Variants in PIK3C3 observed in about 807,000 individuals in gnomAD.
PIK3C3 encodes the protein phosphatidylinositol 3-kinase catalytic subunit type 3.
PIK3C3 carries 95 observed loss-of-function variants against 126.1 expected under a neutral mutation model. The ratio of observed to expected loss-of-function variants is 0.75; its 90% CI spans 0.64 to 0.89. The LOEUF is 0.89. Among genes scored for constraint, PIK3C3 ranks in the 40% least tolerant of loss-of-function variants. The probability of loss-of-function intolerance (pLI) is 0.00; values close to 1 mark genes in which losing one functional copy is unlikely to be tolerated. For missense variants in PIK3C3, 829 were observed against 1,063.2 expected (o/e 0.78, Z 3.06); for synonymous variants, 374 against 360.0 (o/e 1.04, Z -0.44).
rs1986383877 is a variant in PIK3C3 at position 42,085,683 on chromosome 18, A to G, written c.*4546A>G. The G allele has an allele frequency of 6.6e-6, 1 of 152,226 alleles. No homozygotes were observed. The allele number at this position is 152,226 out of a possible 1,614,324, so 9.4% of individuals were successfully genotyped here. A position where few individuals can be genotyped will look rare whatever the true frequency, so the allele number is the denominator to read the frequency against. On this transcript the variant is annotated 3_prime_UTR_variant, in exon 25 of 25. Transcript: ENST00000262039. ...AAATAAGAAGTCTGATTTATCTAAAATAGAAGTTAACATAGCATCCCAGTA... is the reference window on the plus strand; with the variant it reads ...AAATAAGAAGTCTGATTTATCTAAAGTAGAAGTTAACATAGCATCCCAGTA...
chr18:42,016,160 T>C (rs74427360), intron 12 of PIK3C3, among the ~76,000 whole-genome samples: 6,475 of 152,192 alleles, frequency 0.043, 203 homozygotes, highest in Non-Finnish European at 0.065. Context: ...ATTAGAACAG[T>C]TCAAGTGATT....
intron 24 of PIK3C3, among the ~76,000 whole-genome samples, chr18:42,079,989 AAG>A (rs144788006): frequency 3.2e-4 from 35 of 110,152 alleles, no homozygotes; most frequent in African/African-American, 1.2e-3. Flanking sequence ...GTGTGTATGT[AAG>A]AGAGAGAGTG....
intron 24 of PIK3C3, among the ~76,000 whole-genome samples, chr18:42,078,877 C>T (rs1986134383): frequency 6.6e-6 from 1 of 152,178 alleles, no homozygotes; most frequent in Non-Finnish European, 1.5e-5. Context: ...TCTTTCTCAG[C>T]CTTTATAGAA....
intron 4 of PIK3C3, among the ~76,000 whole-genome samples, chr18:41,985,812 A>C (rs909026872): frequency 6.6e-6 from 1 of 152,118 alleles, no homozygotes; most frequent in Non-Finnish European, 1.5e-5. Flanking sequence ...ATCATATGCT[A>C]TATGGGAGAT....
At position 42,000,142 on chromosome 18, in the gene PIK3C3, C is replaced by A. The variant is rs567905659; in HGVS notation, c.984+3412C>A. 3.3e-5 allele frequency among the ~76,000 whole-genome samples: 5 copies of A among 152,296 alleles called. No homozygotes were observed. The South Asian group carries it at 1.0e-3, about 32-fold the overall frequency. ...GATCTCGGCTCACTGCAACCTCCCC[C>A]TCCCAGGTTCAAGTGATTCTCCTGT... On this transcript the variant is annotated intron_variant, in intron 9 of 24. Transcript: ENST00000262039.
intron 4 of PIK3C3, among the ~76,000 whole-genome samples, chr18:41,986,096 G>C (rs1365590882): frequency 6.6e-6 from 1 of 152,140 alleles, no homozygotes; most frequent in Non-Finnish European, 1.5e-5. Flanking sequence ...TAGCAGACTG[G>C]TGGTAGGAGT....
chr18:41,993,462 T>A (rs1363973777), intron 7 of PIK3C3, 121 bp downstream of exon 7: 9 of 631,076 alleles, frequency 1.4e-5, no homozygotes, highest in Non-Finnish European at 2.3e-5. Flanking sequence ...CTAAAAGTGA[T>A]TCATAAATTC....
At chr18:41,957,005 A>G (rs1349151238) in intron 1 of PIK3C3, among the ~76,000 whole-genome samples, 4 of 152,234 alleles carry the variant, frequency 2.6e-5, no homozygotes, top group African/African-American at 9.6e-5. Context: ...TTTTAAAGAA[A>G]TGATCAGACA....
At chr18:42,011,300 T>G (rs1318266419) in intron 10 of PIK3C3, among the ~76,000 whole-genome samples, 1 of 152,234 alleles carries the variant, frequency 6.6e-6, no homozygotes, top group East Asian at 1.9e-4. Context: ...GGCTGTTTCA[T>G]CTGCACTGAA....
chr18:42,071,187 G>T (rs754390886), intron 24 of PIK3C3, among the ~76,000 whole-genome samples: 3 of 152,160 alleles, frequency 2.0e-5, no homozygotes, highest in Non-Finnish European at 4.4e-5. Flanking sequence ...CACCATCTTA[G>T]ATTTGTAAAA....
At chr18:42,069,747 T>C (rs1362570206) in intron 24 of PIK3C3, among the ~76,000 whole-genome samples, 2 of 152,222 alleles carry the variant, frequency 1.3e-5, no homozygotes, top group Non-Finnish European at 2.9e-5. Flanking sequence ...TCCATACTTG[T>C]AGATTCTGGT....
intron 2 of PIK3C3, among the ~76,000 whole-genome samples, chr18:41,961,399 A>C (rs985339564): frequency 5.9e-5 from 9 of 152,162 alleles, no homozygotes; most frequent in Admixed American, 1.3e-4. Context: ...GTTTGAGCCT[A>C]TTTGTAGTAG....
rs1220525417 is a variant in PIK3C3, at chr18:42,076,122, GCGCATATATA to G, written c.2650-5000_2650-4991del. ...TATATATATATATATATATATATAT[GCGCATATATA>G]TATATATATATGCGCATATATATAT... On this transcript the variant is annotated intron_variant, in intron 24 of 24. Transcript: ENST00000262039. Among the ~76,000 whole-genome samples, 32 of 25,628 alleles carry G rather than the reference GCGCATATATA, an allele frequency of 1.2e-3. 1 individual carries two copies. Among genetic ancestry groups the G allele is most frequent in the African/African-American group, 4.8e-3 (23 of 4,784 alleles). 16.8% of individuals were successfully genotyped at this position (25,628 alleles called of 152,430 possible). A position where few individuals can be genotyped will look rare whatever the true frequency, so the allele number is the denominator to read the frequency against.
chr18:42,070,873 G>A (rs1367529923), intron 24 of PIK3C3, among the ~76,000 whole-genome samples: 1 of 152,136 alleles, frequency 6.6e-6, no homozygotes, highest in East Asian at 1.9e-4. Flanking sequence ...ATGGCAAAAC[G>A]AATTGGTAAA....
chr18:41,963,117 G>T (rs1219012851), intron 3 of PIK3C3, among the ~76,000 whole-genome samples: 1 of 151,848 alleles, frequency 6.6e-6, no homozygotes, highest in Non-Finnish European at 1.5e-5. Context: ...AGTCCCAAAG[G>T]ATATTTTCTC....
At chr18:42,035,947 C>T (rs372669379) in intron 16 of PIK3C3, among the ~76,000 whole-genome samples, 9 of 152,190 alleles carry the variant, frequency 5.9e-5, no homozygotes, top group African/African-American at 2.2e-4. Flanking sequence ...GCATGTTATC[C>T]TGTGGTTGTT....
At position 42,087,075 on chromosome 18, in the gene PIK3C3, T is replaced by G. The variant is rs778893235; in HGVS notation, c.*5938T>G. ...TTTTTAAAAGAACTTTCAGCCCTTT[T>G]GAAGTGGGTACATTGTCTGGAGTAC... On this transcript the variant is annotated 3_prime_UTR_variant, in exon 25 of 25. Transcript: ENST00000262039. The G allele has an allele frequency of 1.3e-5, 2 of 152,212 alleles. No homozygotes were observed. The highest frequency in any genetic ancestry group is 2.9e-5 in the Non-Finnish European group (2 of 68,060). The allele number at this position is 152,212 out of a possible 1,614,324, so 9.4% of individuals were successfully genotyped here. A position where few individuals can be genotyped will look rare whatever the true frequency, so the allele number is the denominator to read the frequency against.
Position 41,996,306 on chromosome 18 carries a change from T to C in PIK3C3, c.891+312T>C, listed in dbSNP as rs936313629. 1.8e-4 allele frequency among the ~76,000 whole-genome samples: 27 copies of C among 152,204 alleles called. 1 individual carries two copies. Among genetic ancestry groups the C allele is most frequent in the African/African-American group, 6.5e-4 (27 of 41,466 alleles). On this transcript the variant is annotated intron_variant, in intron 8 of 24. Transcript: ENST00000262039. Reference sequence around the variant, plus strand: ...CATGCCTTGTTGTATGCATTGACTTTAAAAGAGTTTATTGTGTGCACATTT... The same window carrying C: ...CATGCCTTGTTGTATGCATTGACTTCAAAAGAGTTTATTGTGTGCACATTT...
chr18:42,037,719 T>C lies in PIK3C3; in HGVS notation c.1867T>C (p.Phe623Leu). The part of the protein sequence containing the change: ...KSALMPAQLF[F>L]KTEDGGKYPV... The stretch of plus-strand genomic sequence containing the variant: ...TGCCCTTATGCCTGCACAGTTGTTT[T>C]TTAAGACGGAAGATGGAGGCAAATA... Residue 623 changes from phenylalanine (F) to leucine (L), a missense_variant, in exon 17 of 25, where the codon TTT (phenylalanine) becomes CTT (leucine). This residue lies in a region of PIK3C3 where 256 missense variants were observed against 291.0 expected (regional missense o/e 0.88). Coordinates refer to ENST00000262039, the MANE Select transcript of PIK3C3 (RefSeq NM_002647.4). The C allele has an allele frequency of 2.5e-6, 4 of 1,612,640 alleles. No homozygotes were observed. The highest frequency in any genetic ancestry group is 3.4e-6 in the Non-Finnish European group (4 of 1,178,976).
Sources: gnomAD v4.1 joint callset for allele counts (sites outside exome capture counted in the v4.1 genomes callset) on GRCh38, gnomAD v4.1.1 for gene constraint, gnomAD v4.1.1 regional missense constraint, MANE v1.5 for transcripts, NCBI Gene and HGNC (gene_info 2026-07-23, HGNC 2026-07-21) for gene names.